POLR1E: variants seen among roughly 807,000 people sequenced by gnomAD.
The protein encoded by POLR1E is RNA polymerase I subunit E, also known as DNA-directed RNA polymerase I subunit RPA49.
A neutral mutation model predicts 50.9 loss-of-function variants in POLR1E; 37 were observed. The observed-to-expected ratio is 0.73, with a 90% CI of 0.56 to 0.96. The LOEUF is 0.96. Ranked by LOEUF, POLR1E falls within the 40% of genes least tolerant of loss-of-function variation. The pLI is 0.00. For missense variants in POLR1E, 426 were observed against 518.1 expected (o/e 0.82, Z 1.73); for synonymous variants, 166 against 191.6 (o/e 0.87, Z 1.10).
chr9:37,492,174 A>G (rs79025170), intron 4 of POLR1E: 1 of 1,011,208 alleles, frequency 9.9e-7, no homozygotes, highest in East Asian at 6.1e-5. Flanking sequence ...GCCACTCCAG[A>G]GCTTGTACTG....
At chr9:37,501,628 T>G in intron 10 of POLR1E, 85 bp from the exon 11 acceptor site, 1 of 1,482,208 alleles carries the variant, frequency 6.7e-7, no homozygotes, top group South Asian at 1.3e-5. Flanking sequence ...CATATGAGAA[T>G]AGGATTGGAT....
Position 37,503,079 on chromosome 9 carries a change from C to T in POLR1E, c.1137C>T (p.Ile379=). The change falls in exon 12 of 12, where the codon ATC becomes ATT. Residue 379 remains isoleucine (I), a synonymous_variant. Coordinates refer to ENST00000377798, the MANE Select transcript of POLR1E (RefSeq NM_022490.4). ...MEIAKAMRLK[I]SKRRVSVAAG... The stretch of plus-strand genomic sequence containing the variant: ...TAGCCAAAGCCATGAGGCTGAAGAT[C>T]TCCAAAAGAAGGGTGTCTGTGGCCG... The T allele has an allele frequency of 6.2e-7, 1 of 1,613,856 alleles. No individual in the cohort carries two copies. The highest frequency in any genetic ancestry group is 8.5e-7 in the Non-Finnish European group (1 of 1,179,902).
rs912623340 is a variant in POLR1E at position 37,489,370 on chromosome 9, G to C, written c.313G>C (p.Glu105Gln). ...TSGQMEVYDA[E>Q]LFNMQPLFSD... is the part of the protein sequence containing the mutation. ...TGGCCAAATGGAAGTATATGATGCT[G>C]AATTGTTCAACATGCAGCCACTATT... Residue 105 changes from glutamate (E) to glutamine (Q), a missense_variant, in exon 4 of 12, where the codon GAA becomes CAA. By Grantham distance (29) the Glu-to-Gln change is conservative. Coordinates refer to ENST00000377798, the MANE Select transcript of POLR1E (RefSeq NM_022490.4). 6.9e-6 allele frequency: 11 copies of C among 1,599,278 alleles called. No homozygotes were observed. Among genetic ancestry groups the C allele is most frequent in the South Asian group, 1.2e-5 (1 of 86,292 alleles).
Position 37,486,817 on chromosome 9 carries a change from C to G in POLR1E, c.180+11C>G. Reference sequence around the variant, plus strand: ...AATCAACGGATCCTGGTAAGTGAAGCAGTTGCCAGCTGTCTCCACTCTGCA... The same window carrying G: ...AATCAACGGATCCTGGTAAGTGAAGGAGTTGCCAGCTGTCTCCACTCTGCA... On this transcript the variant is annotated intron_variant, in intron 2 of 11. Transcript: ENST00000377798. 6.2e-7 allele frequency: 1 copy of G among 1,600,378 alleles called. No homozygotes were observed. The highest frequency in any genetic ancestry group is 8.5e-7 in the Non-Finnish European group (1 of 1,175,096).
intron 2 of POLR1E, 84 bp from the exon 3 acceptor site, chr9:37,487,779 C>G: frequency 6.1e-6 from 8 of 1,309,838 alleles, no homozygotes; most frequent in Non-Finnish European, 8.8e-6. Context: ...GATTCAAAAG[C>G]CTCAGCAAAT....
intron 2 of POLR1E, 135 bp downstream of exon 2, chr9:37,486,941 A>C: frequency 3.8e-6 from 4 of 1,057,864 alleles, no homozygotes; most frequent in Non-Finnish European, 5.3e-6. Context: ...TCTGATGCCC[A>C]GCAGCCTGGG....
rs2119003090 is a variant in POLR1E, at chr9:37,490,904, TA to T, written c.343+1505del. Reference sequence around the variant, plus strand: ...CTTTGTGTTTGTCATTTTGATGAATTACTGCAAGATGGCAGTTCTGGCCGAA... The same window carrying T: ...CTTTGTGTTTGTCATTTTGATGAATTCTGCAAGATGGCAGTTCTGGCCGAA... On this transcript the variant is annotated intron_variant, in intron 4 of 11. Coordinates refer to ENST00000377798, the MANE Select transcript of POLR1E (RefSeq NM_022490.4). 3 of 510,496 alleles carry T rather than the reference TA, an allele frequency of 5.9e-6. No individual in the cohort carries two copies. In the East Asian group the frequency reaches 1.4e-4, roughly 24 times the overall value. The allele number at this position is 510,496 out of a possible 1,614,324, so 31.6% of individuals were successfully genotyped here. A position where few individuals can be genotyped will look rare whatever the true frequency, so the allele number is the denominator to read the frequency against.
At position 37,501,768 on chromosome 9, in the gene POLR1E, A is replaced by C. The variant is rs1820894258; in HGVS notation, c.1024A>C (p.Ile342Leu). 1 of 1,614,074 alleles carries C rather than the reference A, an allele frequency of 6.2e-7. No individual in the cohort carries two copies. The change falls in exon 11 of 12, where the codon ATA (isoleucine) becomes CTA (leucine). Residue 342 changes from isoleucine (I) to leucine (L), a missense_variant. By Grantham distance (5) the Ile-to-Leu change is conservative (BLOSUM62 2). Coordinates refer to ENST00000377798, the MANE Select transcript of POLR1E (RefSeq NM_022490.4). ...GGCGAAGATTACTGCATATGTGATCATACTTGCCTTGCACATACATGACTT... is the reference window on the plus strand; with the variant it reads ...GGCGAAGATTACTGCATATGTGATCCTACTTGCCTTGCACATACATGACTT... ...MKAKITAYVIILALHIHDFQI... is the reference protein window; with the variant it reads ...MKAKITAYVILLALHIHDFQI...
intron 3 of POLR1E, among the ~76,000 whole-genome samples, chr9:37,488,839 T>C (rs1301511697): frequency 6.6e-6 from 1 of 151,918 alleles, no homozygotes; most frequent in Non-Finnish European, 1.5e-5. Context: ...ATTCCCTCTC[T>C]ATGCAGAGAA....
In POLR1E at chr9:37,493,511, A is replaced by G. The variant is rs1479239125; in HGVS notation, c.403-48A>G. On this transcript the variant is annotated intron_variant, in intron 5 of 11. Transcript: ENST00000377798. ...CCATAGTGACACAGCTAGGAGGGGC[A>G]GCACCTACCTGTCCTGTCCCCAGTA... 3 of 1,460,520 alleles carry G rather than the reference A, an allele frequency of 2.1e-6. No individual in the cohort carries two copies. The East Asian group carries it at 7.2e-5, about 35-fold the overall frequency. The allele number at this position is 1,460,520 out of a possible 1,614,324, so 90.5% of individuals were successfully genotyped here. A position where few individuals can be genotyped will look rare whatever the true frequency, so the allele number is the denominator to read the frequency against.
At chr9:37,488,425 C>T (rs1312640952) in intron 3 of POLR1E, among the ~76,000 whole-genome samples, 1 of 152,036 alleles carries the variant, frequency 6.6e-6, no homozygotes, top group Non-Finnish European at 1.5e-5. Flanking sequence ...GATTGTCCAG[C>T]CTGAACTGTA....
intron 6 of POLR1E, among the ~76,000 whole-genome samples, chr9:37,494,868 C>T (rs1055093002): frequency 1.3e-5 from 2 of 152,322 alleles, no homozygotes; most frequent in East Asian, 1.9e-4. Flanking sequence ...CTTTTAGTTT[C>T]TCTCATTTTA....
Position 37,487,878 on chromosome 9 carries a change from A to G in POLR1E, c.196A>G (p.Arg66Gly), listed in dbSNP as rs572445668. ...NQRILAAETD[R>G]LSYVGNNFGT... is the part of the protein sequence containing the mutation. ...TGCATTTTAGGCAGCTGAAACAGAT[A>G]GGCTCTCCTATGTGGGAAACAATTT... The change falls in exon 3 of 12, where the codon AGG (arginine) becomes GGG (glycine). Residue 66 changes from arginine to glycine, a missense_variant. Transcript: ENST00000377798. 6 of 1,614,202 alleles carry G rather than the reference A, an allele frequency of 3.7e-6. No individual in the cohort carries two copies. Among genetic ancestry groups the G allele is most frequent in the East Asian group, 2.2e-5 (1 of 44,878 alleles).
At chr9:37,501,930 G>A in intron 11 of POLR1E, 86 bp downstream of exon 11, 1 of 1,387,256 alleles carries the variant, frequency 7.2e-7, no homozygotes, top group Non-Finnish European at 9.7e-7. Context: ...GCACCACCAA[G>A]GGAACTGAGG....
chr9:37,496,520 A>T, intron 8 of POLR1E, among the ~76,000 whole-genome samples: 1 of 145,890 alleles, frequency 6.9e-6, no homozygotes, highest in African/African-American at 2.6e-5. Flanking sequence ...TAATAATTTT[A>T]TTTTGATAAA....
intron 9 of POLR1E, among the ~76,000 whole-genome samples, chr9:37,499,042 A>G (rs2119016946): frequency 6.6e-6 from 1 of 152,338 alleles, no homozygotes; most frequent in African/African-American, 2.4e-5. Flanking sequence ...GCATGTTACT[A>G]TACTGAATAT....
rs7863488 is a variant in POLR1E at position 37,495,195 on chromosome 9, G to C, written c.574G>C (p.Asp192His). The change falls in exon 7 of 12, where the codon GAC becomes CAC. Residue 192 changes from aspartate to histidine, a missense_variant. Transcript: ENST00000377798. ...TALVSDAIHN[D>H]LQDDSLYLPP... ...TCTGGTCAGCGATGCTATCCACAAT[G>C]ACTTGCAAGATGACTCCCTCTACCT... 4.3e-3 allele frequency: 7,020 copies of C among 1,614,100 alleles called. 235 individuals are homozygous for C. In the African/African-American group the frequency reaches 0.081, roughly 19 times the overall value.
intron 4 of POLR1E, chr9:37,492,348 C>T (rs556367567): frequency 1.6e-6 from 2 of 1,285,838 alleles, no homozygotes; most frequent in South Asian, 2.5e-5. Context: ...AATCCTGTCT[C>T]TGCCACTACC....
intron 3 of POLR1E, among the ~76,000 whole-genome samples, chr9:37,488,649 C>T (rs1399442296): frequency 6.6e-6 from 1 of 152,150 alleles, no homozygotes; most frequent in Non-Finnish European, 1.5e-5. Flanking sequence ...CTTGATTTTG[C>T]CTCCATAAAA....
Sources: gnomAD v4.1 joint callset for allele counts (sites outside exome capture counted in the v4.1 genomes callset) on GRCh38, gnomAD v4.1.1 for gene constraint, MANE v1.5 for transcripts, NCBI Gene and HGNC (gene_info 2026-07-23, HGNC 2026-07-21) for gene names.